IQCB1: variants seen among roughly 807,000 people sequenced by gnomAD.
IQCB1 encodes the protein IQ motif containing B1.
A neutral mutation model predicts 84.4 loss-of-function variants in IQCB1; 56 were observed. The observed-to-expected ratio is 0.66, with a 90% confidence interval of 0.54 to 0.83. The LOEUF is 0.83. Among genes scored for constraint, IQCB1 ranks in the 40% least tolerant of loss-of-function variants. The probability of loss-of-function intolerance (pLI) is 0.00; values close to 1 mark genes in which losing one functional copy is unlikely to be tolerated. For missense variants in IQCB1, 629 were observed against 682.1 expected (o/e 0.92, Z 0.87); for synonymous variants, 210 against 234.8 (o/e 0.89, Z 0.96).
At chr3:121,777,777 T>C (rs911015871) in intron 13 of IQCB1, among the ~76,000 whole-genome samples, 3 of 152,266 alleles carry the variant, frequency 2.0e-5, no homozygotes, top group Non-Finnish European at 4.4e-5. Flanking sequence ...TTTGTAGTAA[T>C]AGCCATTTTA....
At chr3:121,814,854 C>T (rs1302178094) in intron 5 of IQCB1, among the ~76,000 whole-genome samples, 2 of 152,210 alleles carry the variant, frequency 1.3e-5, no homozygotes, top group South Asian at 2.1e-4. Context: ...GGTACCATTC[C>T]TTCTGAAACT....
chr3:121,825,187 A>G (rs1218090079), intron 5 of IQCB1, among the ~76,000 whole-genome samples: 2 of 151,816 alleles, frequency 1.3e-5, no homozygotes, highest in Non-Finnish European at 2.9e-5. Context: ...CAGCCTCCCA[A>G]GTAGCTGGGA....
chr3:121,776,878 C>G (rs576752262), intron 13 of IQCB1, among the ~76,000 whole-genome samples: 7 of 152,186 alleles, frequency 4.6e-5, no homozygotes, highest in Non-Finnish European at 4.4e-5. Flanking sequence ...AGAGTTCTTT[C>G]TATATTATGG....
intron 10 of IQCB1, among the ~76,000 whole-genome samples, chr3:121,792,375 T>C (rs188352138): frequency 1.3e-5 from 2 of 151,930 alleles, no homozygotes; most frequent in African/African-American, 4.8e-5. Flanking sequence ...AAAGTGAGAT[T>C]TGGGCCGGGC....
rs371057369 is a variant in IQCB1 at position 121,795,576 on chromosome 3, C to A, written c.877-10G>T. ...CTGCTTGATGTAGTTTCTGAAATGC[C>A]GAAAATAATTTAGAGATATCTCTAG... On this transcript the variant is annotated splice_polypyrimidine_tract_variant and intron_variant, in intron 9 of 14. Coordinates refer to ENST00000310864, the MANE Select transcript of IQCB1 (RefSeq NM_001023570.4). 2 of 1,518,600 alleles carry A rather than the reference C, an allele frequency of 1.3e-6. No homozygotes were observed. Among genetic ancestry groups the A allele is most frequent in the Admixed American group, 3.4e-5 (2 of 59,468 alleles). The allele number at this position is 1,518,600 out of a possible 1,614,324, so 94.1% of individuals were successfully genotyped here.
chr3:121,798,232 T>A (rs994863605), intron 8 of IQCB1, among the ~76,000 whole-genome samples: 6 of 151,954 alleles, frequency 3.9e-5, no homozygotes, highest in Non-Finnish European at 7.4e-5. Context: ...TAATTCAAGG[T>A]ACATTATTAC....
chr3:121,775,720 T>C (rs891134983), intron 13 of IQCB1, among the ~76,000 whole-genome samples: 1 of 152,188 alleles, frequency 6.6e-6, no homozygotes, highest in African/African-American at 2.4e-5. Context: ...TTTAAGCATT[T>C]AGGTTAAAAC....
chr3:121,786,198 A>AAGAAAAGAAAAGAAAAGAAAAGAAC (rs1948726496), intron 12 of IQCB1, among the ~76,000 whole-genome samples: 1 of 142,604 alleles, frequency 7.0e-6, no homozygotes, highest in Non-Finnish European at 1.5e-5. Flanking sequence ...AAGAAAAGAA[A>AAGAAAAGAAAAGAAAAGAAAAGAAC]AGAAAAGAAA....
intron 8 of IQCB1, among the ~76,000 whole-genome samples, chr3:121,798,426 T>C (rs1216596591): frequency 6.6e-6 from 1 of 151,862 alleles, no homozygotes; most frequent in Non-Finnish European, 1.5e-5. Flanking sequence ...TTATAATACA[T>C]ACATGGCTCT....
intron 12 of IQCB1, among the ~76,000 whole-genome samples, chr3:121,782,114 G>GA (rs1275725660): frequency 4.6e-5 from 7 of 151,656 alleles, no homozygotes; most frequent in African/African-American, 1.4e-4. Context: ...CAATGAAGAG[G>GA]AAAAAAAAGC....
chr3:121,822,808 T>C (rs571511251), intron 5 of IQCB1, among the ~76,000 whole-genome samples: 47 of 152,276 alleles, frequency 3.1e-4, no homozygotes, highest in African/African-American at 5.5e-4. Flanking sequence ...ACAGGAACAA[T>C]TGATCTGCCA....
intron 12 of IQCB1, among the ~76,000 whole-genome samples, chr3:121,786,445 T>C (rs1948741284): frequency 6.6e-6 from 1 of 151,128 alleles, no homozygotes; most frequent in Non-Finnish European, 1.5e-5. Flanking sequence ...TGTGATGAAC[T>C]ATGAACACAC....
At chr3:121,813,175 A>G (rs745841243) in intron 5 of IQCB1, among the ~76,000 whole-genome samples, 2 of 151,472 alleles carry the variant, frequency 1.3e-5, no homozygotes, top group Non-Finnish European at 3.0e-5. Context: ...AACTAAGCTT[A>G]TGAAGCTTAT....
chr3:121,809,056 CTTTTTTTTTTTTTTAAGGAGACT>C, intron 5 of IQCB1, 47 bp from the exon 6 acceptor site: 6 of 893,120 alleles, frequency 6.7e-6, no homozygotes, highest in Non-Finnish European at 1.0e-5. Flanking sequence ...AGTTTTTTTC[CTTTTTTTTTTTTTTAAGGAGACT>C]TCTCTCTGGG....
chr3:121,813,922 C>T (rs887341790), intron 5 of IQCB1, among the ~76,000 whole-genome samples: 2 of 152,168 alleles, frequency 1.3e-5, no homozygotes, highest in Admixed American at 6.5e-5. Flanking sequence ...ACCAAGCGGA[C>T]CTAATAGACA....
At chr3:121,795,434 A>G in intron 10 of IQCB1, 23 bp downstream of exon 10, 2 of 1,166,890 alleles carry the variant, frequency 1.7e-6, no homozygotes, top group Non-Finnish European at 2.6e-6. Flanking sequence ...ATGATCATCA[A>G]TCCCCTCACC....
chr3:121,833,092 AGGGCAACCTACCT>A (rs1950706154), intron 2 of IQCB1, among the ~76,000 whole-genome samples: 1 of 152,236 alleles, frequency 6.6e-6, no homozygotes, highest in Admixed American at 6.5e-5. Context: ...AAGCTTCATG[AGGGCAACCTACCT>A]ATCCCTTAGA....
chr3:121,784,681 A>C (rs1205063905), intron 12 of IQCB1, among the ~76,000 whole-genome samples: 1 of 151,904 alleles, frequency 6.6e-6, no homozygotes, highest in African/African-American at 2.4e-5. Context: ...TAGTACTCTT[A>C]CTTTTTGGTA....
At chr3:121,822,482 T>C (rs904625498) in intron 5 of IQCB1, among the ~76,000 whole-genome samples, 4 of 152,176 alleles carry the variant, frequency 2.6e-5, no homozygotes, top group Non-Finnish European at 2.9e-5. Context: ...AAAATCTATA[T>C]ACAAACTTCC....
Sources: gnomAD v4.1 joint callset for allele counts (sites outside exome capture counted in the v4.1 genomes callset) on GRCh38, gnomAD v4.1.1 for gene constraint, MANE v1.5 for transcripts, NCBI Gene and HGNC (gene_info 2026-07-23, HGNC 2026-07-21) for gene names.